The following FOXN3 variants were observed in gnomAD, a reference collection of about 807,000 sequenced individuals.
FOXN3 encodes the protein forkhead box N3.
In FOXN3, 7 loss-of-function variants were observed where a neutral mutation model predicts 38.4. The observed-to-expected ratio is 0.18, with a 90% CI of 0.10 to 0.34. FOXN3 has a LOEUF of 0.34. Ranked by LOEUF, FOXN3 falls within the 10% of genes least tolerant of loss-of-function variation. The pLI, the probability that FOXN3 is intolerant of heterozygous loss-of-function variation, is 1.00. For synonymous variants in FOXN3, 230 were observed against 242.2 expected (o/e 0.95, Z 0.47); for missense variants, 456 against 613.4 (o/e 0.74, Z 2.71).
rs551420721 is a variant in FOXN3, at chr14:89,211,349, A to G, written c.746-30543T>C. Among the ~76,000 whole-genome samples, 28 of 152,358 alleles carry G rather than the reference A, an allele frequency of 1.8e-4. No individual in the cohort carries two copies. In the South Asian group the frequency reaches 5.6e-3, roughly 30 times the overall value. On this transcript the variant is annotated intron_variant, in intron 4 of 5. Coordinates refer to ENST00000557258, the MANE Select transcript of FOXN3 (RefSeq NM_005197.4). ...CCTAATCAGAGCTTCAGTGTATGCA[A>G]CTGTAGAAACCAATTCTCTCTCTGG...
At position 89,231,881 on chromosome 14, in the gene FOXN3, T is replaced by C. The variant is rs116089337; in HGVS notation, c.745+49069A>G. On this transcript the variant is annotated intron_variant, in intron 4 of 5. Transcript: ENST00000557258. ...TAATCTCTAGGTCTGCTCAAAGCGA[T>C]TGGCTGGGAGCATGGCAGGGCAGCA... 6.3e-3 allele frequency among the ~76,000 whole-genome samples: 961 copies of C among 152,138 alleles called. 9 individuals are homozygous for C. The highest frequency in any genetic ancestry group is 0.022 in the African/African-American group (919 of 41,500).
chr14:89,224,283 TTAATTAAC>T (rs1369191901), intron 4 of FOXN3, among the ~76,000 whole-genome samples: 1 of 152,222 alleles, frequency 6.6e-6, no homozygotes, highest in Non-Finnish European at 1.5e-5. Flanking sequence ...TTAAAGGAGT[TTAATTAAC>T]TAAGTTTGCA....
intron 2 of FOXN3, among the ~76,000 whole-genome samples, chr14:89,368,043 C>A (rs1890207508): frequency 6.6e-6 from 1 of 152,108 alleles, no homozygotes; most frequent in African/African-American, 2.4e-5. Flanking sequence ...CAAAACGAAT[C>A]CCAGGCCGGG....
intron 2 of FOXN3, among the ~76,000 whole-genome samples, chr14:89,404,711 G>A (rs545720515): frequency 3.1e-4 from 47 of 152,044 alleles, no homozygotes; most frequent in Non-Finnish European, 5.9e-4. Context: ...AAAGCAGCCC[G>A]CCTGGCAGTA....
intron 3 of FOXN3, among the ~76,000 whole-genome samples, chr14:89,323,965 G>C (rs972441641): frequency 1.3e-5 from 2 of 152,108 alleles, no homozygotes; most frequent in Admixed American, 1.3e-4. Context: ...GACCTCTAGC[G>C]TGGTGCCTTT....
At chr14:89,380,201 T>TA (rs1351096281) in intron 2 of FOXN3, among the ~76,000 whole-genome samples, 1 of 152,240 alleles carries the variant, frequency 6.6e-6, no homozygotes, top group African/African-American at 2.4e-5. Flanking sequence ...TCACAAGATC[T>TA]GACAGTTTTA....
chr14:89,226,243 G>A (rs1884637533), intron 4 of FOXN3, among the ~76,000 whole-genome samples: 1 of 151,760 alleles, frequency 6.6e-6, no homozygotes, highest in African/African-American at 2.4e-5. Flanking sequence ...GAGAAAGGTA[G>A]AGAGAGAGAA....
chr14:89,613,621 A>G (rs1229976027), intron 1 of FOXN3, among the ~76,000 whole-genome samples: 8 of 151,696 alleles, frequency 5.3e-5, no homozygotes, highest in Non-Finnish European at 8.8e-5. Flanking sequence ...TTTCATATGT[A>G]ATTTTTTTTT....
intron 1 of FOXN3, among the ~76,000 whole-genome samples, chr14:89,502,030 T>A (rs1478691286): frequency 6.7e-6 from 1 of 149,998 alleles, no homozygotes; most frequent in Non-Finnish European, 1.5e-5. Context: ...TAGCCAGACA[T>A]GGTGGCATGA....
chr14:89,224,701 T>C lies in FOXN3; in HGVS notation c.746-43895A>G, dbSNP rs144708987. ...TGACAATCAACTAAGGAAGACAAAA[T>C]GCTACAGAAATTCAAAGAACATACA... is the stretch of plus-strand genomic sequence containing the variant. On this transcript the variant is annotated intron_variant, in intron 4 of 5. Coordinates refer to ENST00000557258, the MANE Select transcript of FOXN3 (RefSeq NM_005197.4). Among the ~76,000 whole-genome samples the C allele has an allele frequency of 9.0e-3, 1,366 of 152,186 alleles. 77 individuals are homozygous for C. The highest frequency in any genetic ancestry group is 0.083 in the Admixed American group (1,275 of 15,288).
intron 1 of FOXN3, among the ~76,000 whole-genome samples, chr14:89,611,389 A>G (rs1053715430): frequency 3.3e-5 from 5 of 152,246 alleles, no homozygotes; most frequent in African/African-American, 9.6e-5. Context: ...CATGCTGCCA[A>G]TTATAGCCAG....
At chr14:89,299,209 TG>T (rs879423411) in intron 3 of FOXN3, among the ~76,000 whole-genome samples, 1 of 152,160 alleles carries the variant, frequency 6.6e-6, no homozygotes, top group Non-Finnish European at 1.5e-5. Flanking sequence ...GTGTCAAGGG[TG>T]GGGCCAGGTG....
intron 3 of FOXN3, among the ~76,000 whole-genome samples, chr14:89,287,028 T>C (rs542141710): frequency 1.3e-5 from 2 of 152,266 alleles, no homozygotes; most frequent in South Asian, 2.1e-4. Context: ...AGACTGAAAG[T>C]CTTTTAACTT....
At chr14:89,302,159 T>C (rs778505438) in intron 3 of FOXN3, among the ~76,000 whole-genome samples, 3 of 152,198 alleles carry the variant, frequency 2.0e-5, no homozygotes, top group Non-Finnish European at 4.4e-5. Flanking sequence ...TAGTACCTAA[T>C]ACCCATTCGA....
chr14:89,527,747 G>T (rs564000396), intron 1 of FOXN3, among the ~76,000 whole-genome samples: 1 of 149,854 alleles, frequency 6.7e-6, no homozygotes, highest in Non-Finnish European at 1.5e-5. Context: ...TGTCGCTCGG[G>T]CTGGAGTGCA....
intron 1 of FOXN3, among the ~76,000 whole-genome samples, chr14:89,430,426 G>C (rs1176281075): frequency 6.6e-6 from 1 of 152,158 alleles, no homozygotes; most frequent in Non-Finnish European, 1.5e-5. Context: ...GATAAACACA[G>C]CAGCAGGTTG....
chr14:89,542,003 G>A (rs1196776148), intron 1 of FOXN3, among the ~76,000 whole-genome samples: 3 of 152,042 alleles, frequency 2.0e-5, no homozygotes, highest in Non-Finnish European at 2.9e-5. Context: ...CTTGGATCTC[G>A]CGTAAGAAAG....
At chr14:89,349,187 C>A (rs1267565328) in intron 3 of FOXN3, among the ~76,000 whole-genome samples, 1 of 152,196 alleles carries the variant, frequency 6.6e-6, no homozygotes, top group Non-Finnish European at 1.5e-5. Context: ...CCACTCCAAT[C>A]CTGGTTCTCT....
At chr14:89,376,054 A>G (rs535524487) in intron 2 of FOXN3, among the ~76,000 whole-genome samples, 4 of 152,336 alleles carry the variant, frequency 2.6e-5, no homozygotes, top group African/African-American at 9.6e-5. Flanking sequence ...AAGTGCTGGG[A>G]TTACAGGCGT....
Sources: gnomAD v4.1 joint callset for allele counts (sites outside exome capture counted in the v4.1 genomes callset) on GRCh38, gnomAD v4.1.1 for gene constraint, MANE v1.5 for transcripts, NCBI Gene and HGNC (gene_info 2026-07-23, HGNC 2026-07-21) for gene names.